The following UBA3 variants were observed in gnomAD, a reference collection of about 807,000 sequenced individuals.
UBA3 encodes NEDD8-activating enzyme E1 catalytic subunit.
Under a neutral mutation model 73.5 loss-of-function variants are expected in UBA3, and 26 were observed. The ratio of observed to expected loss-of-function variants is 0.35; its 90% CI spans 0.26 to 0.49. The LOEUF (loss-of-function observed/expected upper bound fraction) is 0.49, where lower values mean the gene tolerates loss of function less well. Ranked by LOEUF, UBA3 falls within the 20% of genes least tolerant of loss-of-function variation. The pLI is 0.98. For synonymous variants in UBA3, 217 were observed against 191.2 expected (o/e 1.13, Z -1.11); for missense variants, 495 against 555.6 (o/e 0.89, Z 1.10).
chr3:69,070,907 G>C (rs1186556025), intron 5 of UBA3, among the ~76,000 whole-genome samples: 1 of 152,106 alleles, frequency 6.6e-6, no homozygotes, highest in African/African-American at 2.4e-5. Context: ...CAGCCTCCCA[G>C]TGTTGGGATT....
chr3:69,057,357 G>C, intron 11 of UBA3, 48 bp from the exon 12 acceptor site: 2 of 1,526,894 alleles, frequency 1.3e-6, no homozygotes, highest in African/African-American at 2.8e-5. Context: ...TAAAATAAAA[G>C]AGTTCTCTTA....
rs1462939493 is a variant in UBA3 at position 69,062,979 on chromosome 3, T to C, written c.693+3A>G. 2 of 1,613,098 alleles carry C rather than the reference T, an allele frequency of 1.2e-6. No individual in the cohort carries two copies. The highest frequency in any genetic ancestry group is 8.5e-7 in the Non-Finnish European group (1 of 1,179,626). On this transcript the variant is annotated splice_donor_region_variant and intron_variant, in intron 9 of 17. Transcript: ENST00000361055. ...AAAGAAATGCAGGTGCTTTTTTGAT[T>C]ACCTGTGGTGGATAAAGTTCCAGCG...
intron 4 of UBA3, among the ~76,000 whole-genome samples, chr3:69,074,509 G>T (rs2092148008): frequency 6.6e-6 from 1 of 152,176 alleles, no homozygotes; most frequent in Admixed American, 6.5e-5. Context: ...AGCGACATTA[G>T]TGTTTCTTAA....
At chr3:69,069,778 C>T (rs910736908) in intron 5 of UBA3, among the ~76,000 whole-genome samples, 1 of 152,206 alleles carries the variant, frequency 6.6e-6, no homozygotes, top group African/African-American at 2.4e-5. Context: ...GCTCCACACA[C>T]AGAAAGCTCT....
chr3:69,055,240 A>G lies in UBA3; in HGVS notation c.*197T>C, dbSNP rs1388892039. 1.8e-5 allele frequency: 7 copies of G among 385,034 alleles called. No individual in the cohort carries two copies. Among genetic ancestry groups the G allele is most frequent in the Non-Finnish European group, 2.8e-5 (6 of 212,612 alleles). The allele number at this position is 385,034 out of a possible 1,614,324, so 23.9% of individuals were successfully genotyped here. The stretch of plus-strand genomic sequence containing the variant: ...CTCTCCAGGTATCATTTCTCATATT[A>G]TTAATGAAAATGCTTACAAGCACCA... On this transcript the variant is annotated 3_prime_UTR_variant, in exon 18 of 18. Transcript: ENST00000361055.
At chr3:69,065,240 A>C (rs1575837078) in intron 6 of UBA3, among the ~76,000 whole-genome samples, 15 of 143,236 alleles carry the variant, frequency 1.0e-4, no homozygotes, top group South Asian at 4.6e-4. Flanking sequence ...TAACCAACCC[A>C]CCCCCACCAA....
At position 69,063,505 on chromosome 3, in the gene UBA3, T is replaced by TAAA; in HGVS notation, c.473-3_473-2insTTT. On this transcript the variant is annotated splice_region_variant and splice_polypyrimidine_tract_variant and intron_variant, in intron 7 of 17. Transcript: ENST00000361055. ...GTCCACATACAATAATATGAAATTC[T>TAAA]ACAAAAAAAAAAAAAAGCAACTTTA... is the stretch of plus-strand genomic sequence containing the variant. 1 of 1,200,926 alleles carries TAAA rather than the reference T, an allele frequency of 8.3e-7. No individual in the cohort carries two copies. Among genetic ancestry groups the TAAA allele is most frequent in the South Asian group, 1.5e-5 (1 of 65,166 alleles). The allele number at this position is 1,200,926 out of a possible 1,614,324, so 74.4% of individuals were successfully genotyped here.
chr3:69,064,247 G>C, intron 6 of UBA3, 136 bp from the exon 7 acceptor site: 1 of 681,620 alleles, frequency 1.5e-6, no homozygotes. Flanking sequence ...GGAATTCAAG[G>C]AATCTGACTA....
chr3:69,056,028 T>A lies in UBA3; in HGVS notation c.1220A>T (p.Glu407Val). The change falls in exon 16 of 18, where the codon GAG becomes GTG. Residue 407 changes from glutamate to valine, a missense_variant. By Grantham distance (121) the Glu-to-Val change is moderately radical. Transcript: ENST00000361055. ...TAAGTAAAGTGTTCTATTTTTTCCC[T>A]CTAGGGTGGCTGTGATGGCTGGAGA... ...MKSPAITATL[E>V]GKNRTLYLQS... is the part of the protein sequence containing the mutation. 6.2e-7 allele frequency: 1 copy of A among 1,606,704 alleles called. No individual in the cohort carries two copies. The highest frequency in any genetic ancestry group is 8.5e-7 in the Non-Finnish European group (1 of 1,177,978).
intron 12 of UBA3, 135 bp from the exon 13 acceptor site, chr3:69,056,950 GAC>G (rs2091979096): frequency 1.0e-6 from 1 of 968,176 alleles, no homozygotes; most frequent in Non-Finnish European, 1.5e-6. Flanking sequence ...TAAAAACTGA[GAC>G]AGTAACAAAT....
chr3:69,066,915 C>A (rs2092076483), intron 6 of UBA3, among the ~76,000 whole-genome samples: 1 of 152,134 alleles, frequency 6.6e-6, no homozygotes, highest in Admixed American at 6.5e-5. Context: ...TTATATGGGG[C>A]TATTTCTGGC....
At chr3:69,078,536 T>C (rs987759507) in intron 2 of UBA3, among the ~76,000 whole-genome samples, 4 of 152,188 alleles carry the variant, frequency 2.6e-5, no homozygotes, top group Non-Finnish European at 5.9e-5. Flanking sequence ...TGCAGTGGTG[T>C]GACTGCAGCT....
chr3:69,055,327 A>G lies in UBA3; in HGVS notation c.*110T>C. ...TTAAAAAAGAGTGGTTCATTATATAAAAAAAGACAAATCGTGGCAACACTA... is the reference window on the plus strand; with the variant it reads ...TTAAAAAAGAGTGGTTCATTATATAGAAAAAGACAAATCGTGGCAACACTA... On this transcript the variant is annotated 3_prime_UTR_variant, in exon 18 of 18. Transcript: ENST00000361055. 1 of 686,700 alleles carries G rather than the reference A, an allele frequency of 1.5e-6. No homozygotes were observed. Among genetic ancestry groups the G allele is most frequent in the Non-Finnish European group, 2.2e-6 (1 of 449,760 alleles). 42.5% of individuals were successfully genotyped at this position (686,700 alleles called of 1,614,324 possible).
chr3:69,071,450 TTTAAAAATTA>T, intron 5 of UBA3, 75 bp downstream of exon 5: 2 of 725,988 alleles, frequency 2.8e-6, no homozygotes, highest in South Asian at 3.9e-5. Context: ...TCAAGTCATT[TTTAAAAATTA>T]TTAAACTGCA....
intron 4 of UBA3, among the ~76,000 whole-genome samples, chr3:69,073,806 T>A (rs1432062384): frequency 6.9e-6 from 1 of 144,582 alleles, no homozygotes; most frequent in Non-Finnish European, 1.6e-5. Context: ...CGGCTAATTT[T>A]TTGTTTTCTG....
rs2092023896 is a variant in UBA3 at position 69,061,817 on chromosome 3, G to C, written c.907C>G (p.Gln303Glu). ...TCATGACAATTTGCTGACTTACCTT[G>C]AGTGAGCCTATACGTAACACCCCTA... ...NIRGVTYRLT[Q>E]GVVKRIIPAV... The change falls in exon 11 of 18, where the codon CAA (glutamine) becomes GAA (glutamate). Residue 303 changes from glutamine to glutamate, a missense_variant. By Grantham distance (29) the Gln-to-Glu change is conservative. Transcript: ENST00000361055. The C allele has an allele frequency of 6.3e-7, 1 of 1,582,442 alleles. No homozygotes were observed. The highest frequency in any genetic ancestry group is 8.6e-7 in the Non-Finnish European group (1 of 1,165,300).
intron 11 of UBA3, among the ~76,000 whole-genome samples, chr3:69,057,663 A>G (rs746112167): frequency 1.3e-5 from 2 of 152,212 alleles, no homozygotes; most frequent in Non-Finnish European, 2.9e-5. Context: ...GATTTTAAAC[A>G]TAAGAAAAGT....
At chr3:69,074,959 C>A (rs527451619) in intron 4 of UBA3, 4 of 152,508 alleles carry the variant, frequency 2.6e-5, no homozygotes, top group African/African-American at 9.6e-5. Flanking sequence ...TCGCTATAAT[C>A]CACAAAAACT....
chr3:69,068,527 T>G (rs1391459229), intron 5 of UBA3, among the ~76,000 whole-genome samples: 2 of 147,632 alleles, frequency 1.4e-5, no homozygotes, highest in East Asian at 2.0e-4. Flanking sequence ...AAAATTTCAC[T>G]GGACCGTATA....
Sources: gnomAD v4.1 joint callset for allele counts (sites outside exome capture counted in the v4.1 genomes callset) on GRCh38, gnomAD v4.1.1 for gene constraint, MANE v1.5 for transcripts, NCBI Gene and HGNC (gene_info 2026-07-23, HGNC 2026-07-21) for gene names.